Variants in CSMD1 observed in about 807,000 individuals in gnomAD.
CSMD1 encodes the protein CUB and Sushi multiple domains 1.
CSMD1 carries 213 observed loss-of-function variants against 417.5 expected under a neutral mutation model. The observed-to-expected ratio is 0.51, with a 90% CI of 0.46 to 0.57. The LOEUF (loss-of-function observed/expected upper bound fraction) is 0.57. Among genes scored for constraint, CSMD1 ranks in the 20% least tolerant of loss-of-function variants. The pLI is 0.00. For missense variants in CSMD1, 6,923 were observed against 4,529.7 expected, an observed-to-expected ratio of 1.53 and a Z score of -15.17; for synonymous variants, 2,862 against 1,736.8, an observed-to-expected ratio of 1.65 and a Z score of -16.11.
intron 3 of CSMD1, among the ~76,000 whole-genome samples, chr8:4,185,675 C>G (rs146700523): frequency 1.3e-5 from 2 of 152,128 alleles, no homozygotes; most frequent in African/African-American, 4.8e-5. Context: ...ACGTAAATGC[C>G]CAATGAATGT....
At chr8:4,413,326 G>C (rs529733345) in intron 3 of CSMD1, among the ~76,000 whole-genome samples, 1 of 152,212 alleles carries the variant, frequency 6.6e-6, no homozygotes, top group East Asian at 1.9e-4. Flanking sequence ...ACGCTCGTGG[G>C]GCTGCCCAAA....
chr8:4,800,807 G>C (rs1481624203), intron 1 of CSMD1, among the ~76,000 whole-genome samples: 1 of 152,202 alleles, frequency 6.6e-6, no homozygotes, highest in Non-Finnish European at 1.5e-5. Flanking sequence ...GACCTGGGGA[G>C]GGCACCTGAG....
At chr8:4,265,609 T>C (rs1442769096) in intron 3 of CSMD1, among the ~76,000 whole-genome samples, 1 of 105,626 alleles carries the variant, frequency 9.5e-6, no homozygotes, top group Non-Finnish European at 2.5e-5. Context: ...AGGATAATTA[T>C]TAAAAATAAT....
chr8:2,959,308 T>G (rs1030429398), intron 62 of CSMD1, among the ~76,000 whole-genome samples: 1 of 152,228 alleles, frequency 6.6e-6, no homozygotes, highest in East Asian at 1.9e-4. Context: ...TCTTGCTATG[T>G]TGCCCAGGCT....
chr8:3,531,538 C>T (rs1215793556), intron 10 of CSMD1, among the ~76,000 whole-genome samples: 2 of 152,158 alleles, frequency 1.3e-5, no homozygotes, highest in African/African-American at 4.8e-5. Flanking sequence ...GAGAGGGAGG[C>T]AGCCAGAAGT....
At chr8:4,928,880 C>T (rs898615486) in intron 1 of CSMD1, among the ~76,000 whole-genome samples, 4 of 151,982 alleles carry the variant, frequency 2.6e-5, no homozygotes, top group African/African-American at 7.3e-5. Context: ...GACCAGCCTG[C>T]CAACATGGTG....
chr8:3,334,343 C>T (rs1395603119), intron 23 of CSMD1, among the ~76,000 whole-genome samples: 1 of 152,152 alleles, frequency 6.6e-6, no homozygotes, highest in Non-Finnish European at 1.5e-5. Flanking sequence ...ATATTTTCTC[C>T]TTGTTTTCAA....
rs1260045567 is a variant in CSMD1 at position 2,955,635 on chromosome 8, T to A, written c.9948A>T (p.Thr3316=). 1.2e-6 allele frequency: 2 copies of A among 1,613,886 alleles called. No homozygotes were observed. Among genetic ancestry groups the A allele is most frequent in the Admixed American group, 3.3e-5 (2 of 60,014 alleles). Residue 3316 remains threonine (T), a synonymous_variant, in exon 64 of 70, where the codon ACA becomes ACT. Transcript: ENST00000635120. The part of the protein sequence containing the change: ...FFLAGGSEHR[T]CKADMKWTGK... ...CTGTCCATTTCATGTCTGCTTTACA[T>A]GTTCTGTGCTCAGATCCCCCTGCGA...
intron 3 of CSMD1, among the ~76,000 whole-genome samples, chr8:4,175,829 G>C (rs114354665): frequency 8.5e-5 from 13 of 152,288 alleles, no homozygotes; most frequent in African/African-American, 2.9e-4. Context: ...AGTATGCAGA[G>C]TGAAAGTAAC....
chr8:4,244,816 T>C (rs1404208627), intron 3 of CSMD1, among the ~76,000 whole-genome samples: 3 of 152,200 alleles, frequency 2.0e-5, no homozygotes, highest in Admixed American at 6.5e-5. Context: ...TGTGTATATA[T>C]GTATGTATAT....
chr8:3,405,353 T>G, intron 15 of CSMD1, among the ~76,000 whole-genome samples: 1 of 152,196 alleles, frequency 6.6e-6, no homozygotes, highest in East Asian at 1.9e-4. Flanking sequence ...AACATCTTTT[T>G]CCTTAAAATA....
In CSMD1 at chr8:3,284,258, C is replaced by T. The variant is rs2117236651; in HGVS notation, c.4039G>A (p.Glu1347Lys). Reference protein sequence around the residue: ...GPVDSDILLKEWSGSALPEDI... With the variant: ...GPVDSDILLKKWSGSALPEDI... ...TCCGGAAGGGCGGAGCCACTCCACT[C>T]CTTCAGCAGGATGTCACTGTCCACC... is the stretch of plus-strand genomic sequence containing the variant. Residue 1347 changes from glutamate to lysine, a missense_variant, in exon 26 of 70, where the codon GAG (glutamate) becomes AAG (lysine). By Grantham distance (56) the Glu-to-Lys change is moderately conservative. Transcript: ENST00000635120. 5 of 1,613,908 alleles carry T rather than the reference C, an allele frequency of 3.1e-6. No homozygotes were observed. The highest frequency in any genetic ancestry group is 2.2e-5 in the East Asian group (1 of 44,866).
chr8:4,854,713 A>T (rs1801691792), intron 1 of CSMD1, among the ~76,000 whole-genome samples: 1 of 152,284 alleles, frequency 6.6e-6, no homozygotes, highest in South Asian at 2.1e-4. Context: ...GACGGGCTTA[A>T]AAAACGGTGC....
Position 3,030,847 on chromosome 8 carries a change from A to T in CSMD1, c.7661-1334T>A, listed in dbSNP as rs1264091455. 4.6e-5 allele frequency among the ~76,000 whole-genome samples: 7 copies of T among 152,048 alleles called. 1 individual carries two copies. Among genetic ancestry groups the T allele is most frequent in the Non-Finnish European group, 8.8e-5 (6 of 67,978 alleles). On this transcript the variant is annotated intron_variant, in intron 50 of 69. Coordinates refer to ENST00000635120, the MANE Select transcript of CSMD1 (RefSeq NM_033225.6). ...CAGGCATAACCAAAATTTTACAAAA[A>T]TCTTGATTAGTCTTTTCTCAGTAAT...
At chr8:3,426,994 G>A (rs952246365) in intron 12 of CSMD1, among the ~76,000 whole-genome samples, 1 of 152,160 alleles carries the variant, frequency 6.6e-6, no homozygotes, top group East Asian at 1.9e-4. Context: ...CGGCATGAAG[G>A]AGAGGAATGC....
At chr8:4,079,792 G>A (rs183995791) in intron 3 of CSMD1, among the ~76,000 whole-genome samples, 7 of 152,040 alleles carry the variant, frequency 4.6e-5, no homozygotes, top group Non-Finnish European at 7.4e-5. Context: ...CTTTTCATCA[G>A]GTTAGTAGCA....
At chr8:4,841,017 C>T (rs924710934) in intron 1 of CSMD1, among the ~76,000 whole-genome samples, 1 of 152,172 alleles carries the variant, frequency 6.6e-6, no homozygotes, top group Non-Finnish European at 1.5e-5. Flanking sequence ...TGCCGTCAGC[C>T]CCCTGGCTCC....
chr8:4,070,414 G>C (rs960651472), intron 3 of CSMD1, among the ~76,000 whole-genome samples: 15 of 152,162 alleles, frequency 9.9e-5, no homozygotes, highest in African/African-American at 3.4e-4. Flanking sequence ...CTGGAGTGCA[G>C]TGGTGGGATC....
intron 49 of CSMD1, among the ~76,000 whole-genome samples, chr8:3,079,318 T>C (rs1290940585): frequency 6.6e-6 from 1 of 152,202 alleles, no homozygotes; most frequent in East Asian, 1.9e-4. Context: ...TGTGTGTCTA[T>C]ATATAAAGAG....
Sources: allele counts gnomAD v4.1 joint callset (sites outside exome capture counted in the v4.1 genomes callset), GRCh38; gene constraint gnomAD v4.1.1; transcripts MANE v1.5; gene names NCBI Gene and HGNC (gene_info 2026-07-23, HGNC 2026-07-21).